The following UGT1A8 variants were observed in gnomAD, a reference collection of about 807,000 sequenced individuals.
UGT1A8 encodes UDP glucuronosyltransferase family 1 member A8.
A neutral mutation model predicts 45.3 loss-of-function variants in UGT1A8; 39 were observed. The ratio of observed to expected loss-of-function variants is 0.86; its 90% CI spans 0.67 to 1.12. UGT1A8 has a LOEUF of 1.12. Ranked by LOEUF, UGT1A8 falls within the 50% of genes most tolerant of loss-of-function variation. The pLI, the probability that UGT1A8 is intolerant of heterozygous loss-of-function variation, is 0.00. For missense variants in UGT1A8, 719 were observed against 664.9 expected (o/e 1.08, Z -0.90); for synonymous variants, 275 against 249.2 (o/e 1.10, Z -0.97).
chr2:233,748,321 A>G (rs1693916793), intron 1 of UGT1A8, among the ~76,000 whole-genome samples: 1 of 151,726 alleles, frequency 6.6e-6, no homozygotes, highest in African/African-American at 2.4e-5. Flanking sequence ...ACTAGGACTG[A>G]TGTGACTCAT....
At chr2:233,742,734 T>C (rs1156368500) in intron 1 of UGT1A8, 3 of 152,940 alleles carry the variant, frequency 2.0e-5, no homozygotes, top group Non-Finnish European at 4.4e-5. Flanking sequence ...GGGATTCAAA[T>C]GTCTGACCTC....
chr2:233,760,957 G>A (rs775797489), intron 1 of UGT1A8: 40 of 1,614,066 alleles, frequency 2.5e-5, no homozygotes, highest in Admixed American at 3.3e-5. Flanking sequence ...CTTTCTGTGC[G>A]ACGTGGTTTA....
intron 1 of UGT1A8, among the ~76,000 whole-genome samples, chr2:233,627,620 CCTTT>C (rs1471157297): frequency 2.9e-4 from 40 of 140,048 alleles, no homozygotes; most frequent in Admixed American, 1.5e-3. Context: ...TTCCTTCCTT[CCTTT>C]CTTCCTTCCT....
At chr2:233,719,408 G>A (rs762624701) in intron 1 of UGT1A8, 11 of 1,613,826 alleles carry the variant, frequency 6.8e-6, no homozygotes, top group African/African-American at 5.3e-5. Flanking sequence ...ATATTCCTAA[G>A]TTACTAACGA....
At chr2:233,694,669 C>T (rs2075233719) in intron 1 of UGT1A8, among the ~76,000 whole-genome samples, 1 of 152,152 alleles carries the variant, frequency 6.6e-6, no homozygotes, top group Admixed American at 6.5e-5. Context: ...GAGAGAAAGC[C>T]TCAAACAGGT....
chr2:233,755,562 G>A (rs185113714), intron 1 of UGT1A8: 366 of 159,838 alleles, frequency 2.3e-3, no homozygotes, highest in Non-Finnish European at 4.3e-3. Flanking sequence ...GGGAAAAAGA[G>A]GTTGGGGAAA....
intron 1 of UGT1A8, chr2:233,692,815 A>G: frequency 7.0e-7 from 1 of 1,427,232 alleles, no homozygotes; most frequent in Non-Finnish European, 9.1e-7. Context: ...GTTGGTTCAT[A>G]TTAACCATGT....
intron 1 of UGT1A8, among the ~76,000 whole-genome samples, chr2:233,689,693 C>A (rs2074954055): frequency 6.6e-6 from 1 of 152,166 alleles, no homozygotes; most frequent in Non-Finnish European, 1.5e-5. Context: ...AGAGTTCAGT[C>A]GTTATTTCCC....
chr2:233,765,202 C>T (rs139573386), intron 1 of UGT1A8, among the ~76,000 whole-genome samples: 1 of 152,246 alleles, frequency 6.6e-6, no homozygotes, highest in Non-Finnish European at 1.5e-5. Flanking sequence ...CATATTAGTG[C>T]CCTCAGTATT....
At chr2:233,745,475 T>C (rs1213140846) in intron 1 of UGT1A8, among the ~76,000 whole-genome samples, 1 of 151,692 alleles carries the variant, frequency 6.6e-6, no homozygotes, top group African/African-American at 2.4e-5. Context: ...GGAAAATGAT[T>C]AACCAAAGAA....
chr2:233,736,738 C>T (rs1478066548), intron 1 of UGT1A8, among the ~76,000 whole-genome samples: 1 of 152,114 alleles, frequency 6.6e-6, no homozygotes, highest in Non-Finnish European at 1.5e-5. Flanking sequence ...TATGCTGTTC[C>T]TTTCTGTTTG....
chr2:233,745,242 T>C (rs1693050473), intron 1 of UGT1A8, among the ~76,000 whole-genome samples: 11 of 151,840 alleles, frequency 7.2e-5, no homozygotes, highest in Admixed American at 7.2e-4. Context: ...CTATTTACTG[T>C]ATCGAAACCA....
chr2:233,746,338 A>G (rs1693368906), intron 1 of UGT1A8, among the ~76,000 whole-genome samples: 1 of 151,758 alleles, frequency 6.6e-6, no homozygotes, highest in South Asian at 2.1e-4. Flanking sequence ...GGCAATGGAC[A>G]TGTTTATGTT....
chr2:233,700,454 G>T (rs2075565254), intron 1 of UGT1A8, among the ~76,000 whole-genome samples: 1 of 152,100 alleles, frequency 6.6e-6, no homozygotes, highest in Admixed American at 6.5e-5. Flanking sequence ...ATGCTAGAAT[G>T]ATTCAGCTAA....
At chr2:233,639,073 G>A (rs2125461510) in intron 1 of UGT1A8, among the ~76,000 whole-genome samples, 1 of 152,268 alleles carries the variant, frequency 6.6e-6, no homozygotes, top group South Asian at 2.1e-4. Context: ...GTGGCTCACA[G>A]GGTCACCTAG....
At chr2:233,650,460 G>C (rs2073711632) in intron 1 of UGT1A8, among the ~76,000 whole-genome samples, 1 of 152,212 alleles carries the variant, frequency 6.6e-6, no homozygotes, top group South Asian at 2.1e-4. Flanking sequence ...TTAATTGTCA[G>C]TCTTCTTCAG....
intron 1 of UGT1A8, chr2:233,729,803 C>G (rs771141060): frequency 8.1e-6 from 13 of 1,613,810 alleles, no homozygotes; most frequent in Admixed American, 3.3e-5. Context: ...ATTTGCCATG[C>G]TTTTTCTGCT....
intron 1 of UGT1A8, among the ~76,000 whole-genome samples, chr2:233,731,442 C>T (rs375687165): frequency 6.6e-6 from 1 of 152,134 alleles, no homozygotes; most frequent in Non-Finnish European, 1.5e-5. Flanking sequence ...CCCAGTCCCC[C>T]ACCCCACAAC....
intron 1 of UGT1A8, among the ~76,000 whole-genome samples, chr2:233,734,931 C>A (rs921627257): frequency 5.3e-5 from 8 of 152,162 alleles, no homozygotes; most frequent in African/African-American, 1.7e-4. Context: ...GCTTTACTTA[C>A]AATCATATGG....
Sources: allele counts gnomAD v4.1 joint callset (sites outside exome capture counted in the v4.1 genomes callset), GRCh38; gene constraint gnomAD v4.1.1; transcripts MANE v1.5; gene names NCBI Gene and HGNC (gene_info 2026-07-23, HGNC 2026-07-21).